The following TUSC3 variants were observed in gnomAD, a reference collection of about 807,000 sequenced individuals.
TUSC3 encodes the protein tumor suppressor candidate 3, also known as dolichyl-diphosphooligosaccharide--protein glycosyltransferase subunit TUSC3.
In TUSC3, 45 loss-of-function variants were observed where a neutral mutation model predicts 44.8. That is an observed-to-expected ratio of 1.00 (90% CI 0.79 to 1.29). The LOEUF is 1.29. Among genes scored for constraint, TUSC3 ranks in the 50% most tolerant of loss-of-function variants. The pLI is 0.00. For synonymous variants in TUSC3, 212 were observed against 152.9 expected, an observed-to-expected ratio of 1.39 and a Z score of -2.85; for missense variants, 519 against 437.9, an observed-to-expected ratio of 1.19 and a Z score of -1.65.
At chr8:15,606,459 T>C (rs1454584939) in intron 1 of TUSC3, among the ~76,000 whole-genome samples, 1 of 152,104 alleles carries the variant, frequency 6.6e-6, no homozygotes, top group African/African-American at 2.4e-5. Context: ...GATTTTTGAC[T>C]GTGTGGGTGC....
chr8:15,422,039 T>C (rs1433118352), intron 1 of TUSC3, among the ~76,000 whole-genome samples: 1 of 152,192 alleles, frequency 6.6e-6, no homozygotes, highest in Non-Finnish European at 1.5e-5. Context: ...CCAAACTACA[T>C]TGCACTTTAA....
chr8:15,480,651 G>A (rs1053399956), intron 1 of TUSC3, among the ~76,000 whole-genome samples: 15 of 152,104 alleles, frequency 9.9e-5, no homozygotes, highest in African/African-American at 3.4e-4. Context: ...CTTGCAGATG[G>A]CTGCCTCTTG....
the TUSC3 span, among the ~76,000 whole-genome samples, chr8:15,798,471 C>T: frequency 5.8e-4 from 88 of 152,266 alleles, no homozygotes; most frequent in African/African-American, 1.9e-3. Flanking sequence ...AATCTTCTGT[C>T]TCCATAAAGT....
intron 1 of TUSC3, among the ~76,000 whole-genome samples, chr8:15,592,332 A>G (rs1422052929): frequency 6.6e-6 from 1 of 152,172 alleles, no homozygotes; most frequent in Admixed American, 6.5e-5. Flanking sequence ...TTTCTGTGTG[A>G]ATAGCACTTG....
intron 2 of TUSC3, among the ~76,000 whole-genome samples, chr8:15,506,941 C>G (rs752940989): frequency 2.0e-5 from 3 of 152,218 alleles, no homozygotes; most frequent in Non-Finnish European, 4.4e-5. Context: ...AGGCTTAGAT[C>G]ATGCCCTTTT....
At chr8:15,743,306 G>A in intron 7 of TUSC3, 1 of 527,932 alleles carries the variant, frequency 1.9e-6, no homozygotes, top group Non-Finnish European at 3.4e-6. Context: ...AAGAACCTTT[G>A]GAATTAGCCT....
At position 15,713,618 on chromosome 8, in the gene TUSC3, G is replaced by A. The variant is rs189088870; in HGVS notation, c.799-17048G>A. ...CCAGGAGTCAGCAGGGCGAGTTTGA[G>A]GTCTTTCCTCTTGGATTGTAGATGG... On this transcript the variant is annotated intron_variant, in intron 6 of 10. Transcript: ENST00000503731. Among the ~76,000 whole-genome samples the A allele has an allele frequency of 8.1e-4, 123 of 152,152 alleles. 1 individual carries two copies. Among genetic ancestry groups the A allele is most frequent in the African/African-American group, 2.9e-3 (120 of 41,526 alleles).
intron 1 of TUSC3, among the ~76,000 whole-genome samples, chr8:15,421,114 A>T (rs1799732963): frequency 6.6e-6 from 1 of 152,178 alleles, no homozygotes; most frequent in Admixed American, 6.5e-5. Context: ...AAACTGAGCT[A>T]CTGATTCTGC....
intron 6 of TUSC3, among the ~76,000 whole-genome samples, chr8:15,706,698 A>C (rs1020646838): frequency 6.6e-6 from 1 of 152,062 alleles, no homozygotes; most frequent in Non-Finnish European, 1.5e-5. Context: ...TTGAAAATAA[A>C]ATAATTACGC....
the TUSC3 span, among the ~76,000 whole-genome samples, chr8:15,804,346 G>C: frequency 1.3e-5 from 2 of 152,104 alleles, no homozygotes; most frequent in African/African-American, 4.8e-5. Flanking sequence ...TGTCCTACTT[G>C]TCAATTTTTG....
chr8:15,716,893 AT>A (rs1264299711), intron 6 of TUSC3, among the ~76,000 whole-genome samples: 1 of 151,992 alleles, frequency 6.6e-6, no homozygotes, highest in East Asian at 1.9e-4. Flanking sequence ...TAATAGCTTC[AT>A]TTGAGAAATT....
At chr8:15,837,259 A>C in the TUSC3 span, among the ~76,000 whole-genome samples, 1 of 152,146 alleles carries the variant, frequency 6.6e-6, no homozygotes, top group Non-Finnish European at 1.5e-5. Flanking sequence ...AGATAACTGA[A>C]ATCATTCAGT....
At chr8:15,564,688 C>G (rs1482996361) in intron 1 of TUSC3, among the ~76,000 whole-genome samples, 2 of 152,092 alleles carry the variant, frequency 1.3e-5, no homozygotes, top group African/African-American at 4.8e-5. Flanking sequence ...CCCAGTGTCC[C>G]ATGTTTAGAT....
At chr8:15,650,605 C>T (rs1806850165) in intron 2 of TUSC3, 92 bp from the exon 3 acceptor site, 2 of 1,042,002 alleles carry the variant, frequency 1.9e-6, no homozygotes, top group Non-Finnish European at 1.5e-6. Context: ...AAAAACTGGC[C>T]AGTGCTTGTC....
At chr8:15,642,531 G>T (rs528922607) in intron 2 of TUSC3, among the ~76,000 whole-genome samples, 3 of 152,204 alleles carry the variant, frequency 2.0e-5, no homozygotes, top group Admixed American at 6.5e-5. Flanking sequence ...CTGTAATCTT[G>T]TGTCTACCTT....
intron 1 of TUSC3, among the ~76,000 whole-genome samples, chr8:15,441,774 G>A (rs1800023037): frequency 6.6e-6 from 1 of 152,136 alleles, no homozygotes. Context: ...GACATGAGGT[G>A]TCCTGAGTGT....
chr8:15,818,244 T>C, the TUSC3 span, among the ~76,000 whole-genome samples: 2 of 152,198 alleles, frequency 1.3e-5, no homozygotes, highest in Non-Finnish European at 2.9e-5. Flanking sequence ...TCATTCTTTT[T>C]TTAGTGATGG....
At chr8:15,636,347 T>C (rs1806074583) in intron 2 of TUSC3, among the ~76,000 whole-genome samples, 1 of 152,180 alleles carries the variant, frequency 6.6e-6, no homozygotes, top group African/African-American at 2.4e-5. Context: ...GCTGCTGTTT[T>C]TTTAATGTAA....
intron 1 of TUSC3, among the ~76,000 whole-genome samples, chr8:15,575,089 ATAT>A (rs1278769043): frequency 3.9e-5 from 6 of 152,178 alleles, no homozygotes; most frequent in East Asian, 1.9e-4. Flanking sequence ...GGTTTAAAAA[ATAT>A]TATTAGATTG....
Sources: gnomAD v4.1 joint callset for allele counts (sites outside exome capture counted in the v4.1 genomes callset) on GRCh38, gnomAD v4.1.1 for gene constraint, MANE v1.5 for transcripts, NCBI Gene and HGNC (gene_info 2026-07-23, HGNC 2026-07-21) for gene names.